Variants in B3GAT3 observed in about 807,000 individuals in gnomAD.
B3GAT3 encodes the protein galactosylgalactosylxylosylprotein 3-beta-glucuronosyltransferase 3.
B3GAT3 carries 19 observed loss-of-function variants against 33.1 expected under a neutral mutation model. That is an observed-to-expected ratio of 0.57 (90% CI 0.40 to 0.84). The LOEUF is 0.84. Among genes scored for constraint, B3GAT3 ranks in the 40% least tolerant of loss-of-function variants. The pLI is 0.00. For missense variants in B3GAT3, 344 were observed against 441.5 expected (o/e 0.78, Z 1.98); for synonymous variants, 167 against 193.5 (o/e 0.86, Z 1.14).
chr11:62,621,391 T>A, intron 1 of B3GAT3: 1 of 450,314 alleles, frequency 2.2e-6, no homozygotes. Context: ...GAATTAAGAA[T>A]GGTAACTTTA....
chr11:62,617,510 C>A, intron 2 of B3GAT3, 163 bp from the exon 3 acceptor site: 1 of 909,466 alleles, frequency 1.1e-6, no homozygotes, highest in South Asian at 1.5e-5. Context: ...TGCTAACACT[C>A]ACCTGCCCTG....
chr11:62,621,749 C>T, intron 1 of B3GAT3, 117 bp downstream of exon 1: 1 of 1,134,396 alleles, frequency 8.8e-7, no homozygotes, highest in East Asian at 2.6e-5. Flanking sequence ...GGCCGCAGAG[C>T]TGTCCGGAGG....
intron 1 of B3GAT3, 102 bp downstream of exon 1, chr11:62,621,764 A>G: frequency 2.4e-6 from 3 of 1,260,676 alleles, no homozygotes; most frequent in Non-Finnish European, 3.3e-6. Flanking sequence ...CGGAGGGCCG[A>G]GCGGATGAAT....
rs765833851 is a variant in B3GAT3, at chr11:62,616,990, C to T, written c.615G>A (p.Glu205=). 3.1e-6 allele frequency: 5 copies of T among 1,614,220 alleles called. 1 individual carries two copies. The South Asian group carries it at 4.4e-5, about 14-fold the overall frequency. The change falls in exon 3 of 5, where the codon GAG becomes GAA. Residue 205 remains glutamate, a synonymous_variant. Coordinates refer to ENST00000265471, the MANE Select transcript of B3GAT3 (RefSeq NM_012200.4). ...CCATCCCCATCCTGGTGCTCACCTCCTCAAACAGCTCCCGGCTGTAGGTGT... is the reference window on the plus strand; with the variant it reads ...CCATCCCCATCCTGGTGCTCACCTCTTCAAACAGCTCCCGGCTGTAGGTGT... ...DDNTYSRELF[E]EMRWTRGVSV... is the part of the protein sequence containing the mutation.
At position 62,620,085 on chromosome 11, in the gene B3GAT3, G is replaced by A. The variant is rs1023941740; in HGVS notation, c.257+412C>T. On this transcript the variant is annotated intron_variant, in intron 2 of 4. Coordinates refer to ENST00000265471, the MANE Select transcript of B3GAT3 (RefSeq NM_012200.4). Reference sequence around the variant, plus strand: ...GTTGCCCAGGCTGGAGTGCAATAGCGCACTCTCAGCTCACTGCAACCTCCG... The same window carrying A: ...GTTGCCCAGGCTGGAGTGCAATAGCACACTCTCAGCTCACTGCAACCTCCG... Among the ~76,000 whole-genome samples the A allele has an allele frequency of 5.9e-5, 9 of 151,930 alleles. No individual in the cohort carries two copies. In the South Asian group the frequency reaches 6.2e-4, roughly 11 times the overall value.
intron 2 of B3GAT3, among the ~76,000 whole-genome samples, chr11:62,618,437 T>A (rs929827063): frequency 1.3e-5 from 2 of 150,970 alleles, no homozygotes; most frequent in African/African-American, 4.9e-5. Flanking sequence ...CTGAGGCAGG[T>A]GGATCATGAG....
chr11:62,617,053 T>C lies in B3GAT3; in HGVS notation c.552A>G (p.Pro184=). 6.2e-7 allele frequency: 1 copy of C among 1,614,152 alleles called. No homozygotes were observed. The highest frequency in any genetic ancestry group is 2.2e-5 in the East Asian group (1 of 44,888). The change falls in exon 3 of 5, where the codon CCA becomes CCG. Residue 184 remains proline (P), a synonymous_variant. Transcript: ENST00000265471. Reference sequence around the variant, plus strand: ...CAAAGTAGACGACTCCTTGGGTCCCTGGTGGTGGTGGGTCCTTCTCCCCAC... The same window carrying C: ...CAAAGTAGACGACTCCTTGGGTCCCCGGTGGTGGTGGGTCCTTCTCCCCAC... The part of the protein sequence containing the change: ...AVGGEKDPPP[P]GTQGVVYFAD...
At chr11:62,617,641 G>C (rs1217504807) in intron 2 of B3GAT3, among the ~76,000 whole-genome samples, 2 of 152,066 alleles carry the variant, frequency 1.3e-5, no homozygotes, top group Non-Finnish European at 2.9e-5. Context: ...TTGGGAGGCT[G>C]AGGCAGGTGA....
Position 62,615,528 on chromosome 11 carries a change from G to T in B3GAT3, c.*173C>A. On this transcript the variant is annotated 3_prime_UTR_variant, in exon 5 of 5. Transcript: ENST00000265471. Reference sequence around the variant, plus strand: ...CCCAGCCTGTGGGCAGTGCCACACGGCAGGCTAGGGGAGGGGTGAAGCAGC... The same window carrying T: ...CCCAGCCTGTGGGCAGTGCCACACGTCAGGCTAGGGGAGGGGTGAAGCAGC... The T allele has an allele frequency of 2.4e-6, 3 of 1,232,394 alleles. No homozygotes were observed. The highest frequency in any genetic ancestry group is 3.4e-6 in the Non-Finnish European group (3 of 889,276). The allele number at this position is 1,232,394 out of a possible 1,614,324, so 76.3% of individuals were successfully genotyped here.
Position 62,615,684 on chromosome 11 carries a change from T to A in B3GAT3, c.*17A>T, listed in dbSNP as rs770428920. The A allele has an allele frequency of 6.2e-7, 1 of 1,611,512 alleles. No individual in the cohort carries two copies. The highest frequency in any genetic ancestry group is 2.2e-5 in the East Asian group (1 of 44,840). ...GTCTGTGCCTGAAAAGAGGTGGTAGTTGGGGTGGGGCCGCCATCACACCTC... is the reference window on the plus strand; with the variant it reads ...GTCTGTGCCTGAAAAGAGGTGGTAGATGGGGTGGGGCCGCCATCACACCTC... On this transcript the variant is annotated 3_prime_UTR_variant, in exon 5 of 5. Coordinates refer to ENST00000265471, the MANE Select transcript of B3GAT3 (RefSeq NM_012200.4).
intron 2 of B3GAT3, 48 bp downstream of exon 2, chr11:62,620,449 C>A (rs1943123071): frequency 6.3e-7 from 1 of 1,588,744 alleles, no homozygotes; most frequent in Non-Finnish European, 8.6e-7. Flanking sequence ...ATCATCAACT[C>A]CAACTTCTTG....
rs373900330 is a variant in B3GAT3 at position 62,617,446 on chromosome 11, T to A, written c.258-99A>T. Reference sequence around the variant, plus strand: ...CTCCTGGGCCACTGCCTGCGTCTCCTGTGGCCCTTCCCAACCAATGCCTAA... The same window carrying A: ...CTCCTGGGCCACTGCCTGCGTCTCCAGTGGCCCTTCCCAACCAATGCCTAA... On this transcript the variant is annotated intron_variant, in intron 2 of 4. Transcript: ENST00000265471. 15 of 1,540,692 alleles carry A rather than the reference T, an allele frequency of 9.7e-6. No individual in the cohort carries two copies. In the African/African-American group the frequency reaches 1.8e-4, roughly 18 times the overall value.
intron 1 of B3GAT3, chr11:62,620,965 C>T: frequency 1.8e-6 from 1 of 542,904 alleles, no homozygotes; most frequent in Non-Finnish European, 3.5e-6. Context: ...CTAACAAGCT[C>T]ATGTCCTTAA....
At position 62,617,181 on chromosome 11, in the gene B3GAT3, C is replaced by T. The variant is rs752696250; in HGVS notation, c.424G>A (p.Ala142Thr). 1 of 1,614,016 alleles carries T rather than the reference C, an allele frequency of 6.2e-7. No homozygotes were observed. The highest frequency in any genetic ancestry group is 1.7e-5 in the Admixed American group (1 of 60,012). The change falls in exon 3 of 5, where the codon GCC becomes ACC. Residue 142 changes from alanine to threonine, a missense_variant. Physicochemically the swap from Ala to Thr is moderately conservative, Grantham distance 58. Coordinates refer to ENST00000265471, the MANE Select transcript of B3GAT3 (RefSeq NM_012200.4). ...GGCTCGCCCTCCCGAAGCCGCTGGGCTTTGGGCGTGAGGACCACCAGGTGT... is the reference window on the plus strand; with the variant it reads ...GGCTCGCCCTCCCGAAGCCGCTGGGTTTTGGGCGTGAGGACCACCAGGTGT... ...FTHLVVLTPK[A>T]QRLREGEPGW...
chr11:62,621,039 A>G (rs548930436), intron 1 of B3GAT3: 1 of 490,030 alleles, frequency 2.0e-6, no homozygotes, highest in South Asian at 1.5e-5. Flanking sequence ...CCCCTTTTGG[A>G]CAGTCTTTCA....
rs760051856 is a variant in B3GAT3 at position 62,616,987 on chromosome 11, C to A, written c.618G>T (p.Glu206Asp). ...TGCCCATCCCCATCCTGGTGCTCAC[C>A]TCCTCAAACAGCTCCCGGCTGTAGG... ...DNTYSRELFE[E>D]MRWTRGVSVW... The change falls in exon 3 of 5, where the codon GAG becomes GAT. Residue 206 changes from glutamate to aspartate, a missense_variant and splice_region_variant. Physicochemically the swap from Glu to Asp is conservative, Grantham distance 45 (BLOSUM62 2). Coordinates refer to ENST00000265471, the MANE Select transcript of B3GAT3 (RefSeq NM_012200.4). 9 of 1,614,218 alleles carry A rather than the reference C, an allele frequency of 5.6e-6. No individual in the cohort carries two copies. In the Admixed American group the frequency reaches 1.5e-4, roughly 27 times the overall value.
At chr11:62,619,864 AG>A (rs1383005412) in intron 2 of B3GAT3, among the ~76,000 whole-genome samples, 7 of 151,562 alleles carry the variant, frequency 4.6e-5, no homozygotes, top group African/African-American at 1.5e-4. Flanking sequence ...AACTTTAATC[AG>A]GGGGTTTTAA....
chr11:62,618,052 C>T (rs1325178720), intron 2 of B3GAT3, among the ~76,000 whole-genome samples: 1 of 151,862 alleles, frequency 6.6e-6, no homozygotes, highest in Non-Finnish European at 1.5e-5. Flanking sequence ...TGGCAGTCAC[C>T]TGTAATCCTA....
At position 62,615,633 on chromosome 11, in the gene B3GAT3, G is replaced by A; in HGVS notation, c.*68C>T. 1 of 1,569,034 alleles carries A rather than the reference G, an allele frequency of 6.4e-7. No individual in the cohort carries two copies. The highest frequency in any genetic ancestry group is 2.3e-5 in the East Asian group (1 of 43,240). ...CAGGACTTGGAAAACCACATCCTGG[G>A]CAGGCCTGGGGCCCAGTCCCACAAG... is the stretch of plus-strand genomic sequence containing the variant. On this transcript the variant is annotated 3_prime_UTR_variant, in exon 5 of 5. Coordinates refer to ENST00000265471, the MANE Select transcript of B3GAT3 (RefSeq NM_012200.4).
Sources: allele counts gnomAD v4.1 joint callset (sites outside exome capture counted in the v4.1 genomes callset), GRCh38; gene constraint gnomAD v4.1.1; transcripts MANE v1.5; gene names NCBI Gene and HGNC (gene_info 2026-07-23, HGNC 2026-07-21).